Variants in CDH4 observed in about 807,000 individuals in gnomAD.
CDH4 encodes cadherin-4.
CDH4 carries 33 observed loss-of-function variants against 86.0 expected under a neutral mutation model. The observed-to-expected ratio is 0.38, with a 90% confidence interval of 0.29 to 0.51. The LOEUF (loss-of-function observed/expected upper bound fraction) is 0.51, where lower values mean the gene tolerates loss of function less well. Among genes scored for constraint, CDH4 ranks in the 20% least tolerant of loss-of-function variants. The probability of loss-of-function intolerance (pLI) is 0.86; values close to 1 mark genes in which losing one functional copy is unlikely to be tolerated. For synonymous variants in CDH4, 555 were observed against 549.4 expected (o/e 1.01, Z -0.14); for missense variants, 1,114 against 1,307.4 (o/e 0.85, Z 2.28).
chr20:61,784,698 T>G (rs6121806), intron 4 of CDH4, among the ~76,000 whole-genome samples: 1,052 of 71,148 alleles, frequency 0.015, 93 homozygotes, highest in African/African-American at 0.062. Context: ...AGAAATGTAA[T>G]CCCAGTTCCT....
At chr20:61,833,737 C>T (rs1327607493) in intron 4 of CDH4, among the ~76,000 whole-genome samples, 2 of 152,194 alleles carry the variant, frequency 1.3e-5, no homozygotes, top group Non-Finnish European at 2.9e-5. Flanking sequence ...TGACTGAGCA[C>T]AGCACTCGGC....
At chr20:61,316,009 G>A (rs553558454) in intron 2 of CDH4, among the ~76,000 whole-genome samples, 9 of 152,300 alleles carry the variant, frequency 5.9e-5, no homozygotes, top group South Asian at 2.1e-4. Flanking sequence ...GGCCCTGGAA[G>A]CTGGGTTTCT....
At chr20:61,565,075 T>C (rs1214461249) in intron 2 of CDH4, among the ~76,000 whole-genome samples, 1 of 124,652 alleles carries the variant, frequency 8.0e-6, no homozygotes, top group Admixed American at 7.9e-5. Flanking sequence ...GTGGTGGTGG[T>C]GGTGGTGGTG....
At chr20:61,608,952 C>G (rs553134247) in intron 2 of CDH4, among the ~76,000 whole-genome samples, 17 of 152,264 alleles carry the variant, frequency 1.1e-4, no homozygotes, top group African/African-American at 4.1e-4. Context: ...ACTGCCCTGT[C>G]GAGGCTAGGC....
At chr20:61,357,253 G>A (rs550059870) in intron 2 of CDH4, among the ~76,000 whole-genome samples, 34 of 152,196 alleles carry the variant, frequency 2.2e-4, no homozygotes, top group Non-Finnish European at 4.6e-4. Flanking sequence ...GTTTTGCTTT[G>A]TTTCAGCCTC....
intron 13 of CDH4, among the ~76,000 whole-genome samples, chr20:61,932,109 T>C (rs1431726843): frequency 2.6e-5 from 4 of 152,112 alleles, no homozygotes. Flanking sequence ...TCTCAGTGAT[T>C]CCTACCAAGA....
intron 2 of CDH4, among the ~76,000 whole-genome samples, chr20:61,528,396 G>A (rs2085926351): frequency 7.6e-6 from 1 of 131,368 alleles, no homozygotes; most frequent in Non-Finnish European, 1.6e-5. Flanking sequence ...TGAGAGGAGG[G>A]GAAGGGAGGG....
Position 61,377,263 on chromosome 20 carries a change from C to T in CDH4, c.169+122326C>T, listed in dbSNP as rs1478489182. 1.3e-5 allele frequency among the ~76,000 whole-genome samples: 2 copies of T among 152,130 alleles called. No individual in the cohort carries two copies. The highest frequency in any genetic ancestry group is 2.9e-5 in the Non-Finnish European group (2 of 68,018). On this transcript the variant is annotated intron_variant, in intron 2 of 15. Transcript: ENST00000614565. The surrounding 1 kb of genome is among the most constrained non-coding windows in gnomAD (Gnocchi z 4.0). Reference sequence around the variant, plus strand: ...GGGGGCTCTGGTGAGGGGCAGTGGCCGTGTTGCACTTTGTCACAGCATCAT... The same window carrying T: ...GGGGGCTCTGGTGAGGGGCAGTGGCTGTGTTGCACTTTGTCACAGCATCAT...
Position 61,363,646 on chromosome 20 carries a change from C to G in CDH4, c.169+108709C>G, listed in dbSNP as rs74349863. On this transcript the variant is annotated intron_variant, in intron 2 of 15. Coordinates refer to ENST00000614565, the MANE Select transcript of CDH4 (RefSeq NM_001794.5). Reference sequence around the variant, plus strand: ...GTCAAGGAGGAGTTAGTGTTCCTGACGGGGGCCACAGTGCATTCACACAGG... The same window carrying G: ...GTCAAGGAGGAGTTAGTGTTCCTGAGGGGGGCCACAGTGCATTCACACAGG... Among the ~76,000 whole-genome samples the G allele has an allele frequency of 6.6e-5, 10 of 152,212 alleles. No individual in the cohort carries two copies. The East Asian group carries it at 1.9e-3, about 29-fold the overall frequency.
At chr20:61,405,316 A>T (rs2085075927) in intron 2 of CDH4, among the ~76,000 whole-genome samples, 1 of 151,418 alleles carries the variant, frequency 6.6e-6, no homozygotes. Context: ...TTCCATACTG[A>T]TCACGCTAGT....
chr20:61,933,519 G>C lies in CDH4; in HGVS notation c.2379+395G>C, dbSNP rs113875922. On this transcript the variant is annotated intron_variant, in intron 14 of 15. Coordinates refer to ENST00000614565, the MANE Select transcript of CDH4 (RefSeq NM_001794.5). ...CCGGGAGGGTAGACTGTGAGAGCTGGTGGTTGGAATCTGAGTCTACCCTTG... is the reference window on the plus strand; with the variant it reads ...CCGGGAGGGTAGACTGTGAGAGCTGCTGGTTGGAATCTGAGTCTACCCTTG... Among the ~76,000 whole-genome samples the C allele has an allele frequency of 7.3e-3, 1,110 of 152,360 alleles. 13 individuals carry two copies. The highest frequency in any genetic ancestry group is 0.025 in the African/African-American group (1,020 of 41,592).
At chr20:61,472,134 T>G (rs1188275188) in intron 2 of CDH4, among the ~76,000 whole-genome samples, 2 of 152,112 alleles carry the variant, frequency 1.3e-5, no homozygotes, top group Non-Finnish European at 2.9e-5. Flanking sequence ...TATTGAGGTC[T>G]CTCTCTCTCT....
chr20:61,358,233 G>C (rs1240522538), intron 2 of CDH4, among the ~76,000 whole-genome samples: 1 of 152,184 alleles, frequency 6.6e-6, no homozygotes, highest in African/African-American at 2.4e-5. Context: ...GGAGTGTGCT[G>C]TCTGCCTTCC....
rs1568822633 is a variant in CDH4, at chr20:61,383,388, AATATATGATATATATGAAT to A, written c.169+128469_169+128487del. On this transcript the variant is annotated intron_variant, in intron 2 of 15. Transcript: ENST00000614565. The stretch of plus-strand genomic sequence containing the variant: ...ATATGAATATATATGGATATATATG[AATATATGATATATATGAAT>A]ATATATGATATATATGATATATATC... 2.1e-4 allele frequency among the ~76,000 whole-genome samples: 14 copies of A among 66,224 alleles called. 2 individuals carry two copies. Among genetic ancestry groups the A allele is most frequent in the African/African-American group, 9.3e-4 (12 of 12,844 alleles). 43.4% of individuals were successfully genotyped at this position (66,224 alleles called of 152,430 possible).
chr20:61,320,128 T>C (rs1445395929), intron 2 of CDH4, among the ~76,000 whole-genome samples: 7 of 152,206 alleles, frequency 4.6e-5, no homozygotes, highest in Admixed American at 2.6e-4. Context: ...GGTGGGACTG[T>C]TCCCTCTCTG....
At chr20:61,805,999 G>A (rs1035277897) in intron 4 of CDH4, among the ~76,000 whole-genome samples, 2 of 152,206 alleles carry the variant, frequency 1.3e-5, no homozygotes, top group African/African-American at 4.8e-5. Flanking sequence ...GGTGCTTGGG[G>A]CAAGGGGAAG....
chr20:61,804,430 G>A (rs992363955), intron 4 of CDH4, among the ~76,000 whole-genome samples: 3 of 152,156 alleles, frequency 2.0e-5, no homozygotes, highest in African/African-American at 4.8e-5. Flanking sequence ...ATCTGGCCTC[G>A]GCCTCACCCA....
At chr20:61,310,111 G>A (rs925360115) in intron 2 of CDH4, among the ~76,000 whole-genome samples, 2 of 152,156 alleles carry the variant, frequency 1.3e-5, no homozygotes, top group Non-Finnish European at 2.9e-5. Context: ...AAAGCCCATG[G>A]GAATGTGGGC....
At chr20:61,863,504 G>A (rs1983418398) in intron 6 of CDH4, among the ~76,000 whole-genome samples, 1 of 152,230 alleles carries the variant, frequency 6.6e-6, no homozygotes. Context: ...GAGGGCACAG[G>A]TGAGGGACTG....
Sources: allele counts gnomAD v4.1 joint callset (sites outside exome capture counted in the v4.1 genomes callset), GRCh38; gene constraint gnomAD v4.1.1; non-coding constraint Gnocchi (gnomAD v3.1); transcripts MANE v1.5; gene names NCBI Gene and HGNC (gene_info 2026-07-23, HGNC 2026-07-21).